The following GRIK1 variants were observed in gnomAD, a reference collection of about 807,000 sequenced individuals.
GRIK1 encodes glutamate receptor ionotropic, kainate 1.
GRIK1 carries 69 observed loss-of-function variants against 105.7 expected under a neutral mutation model. That is an observed-to-expected ratio of 0.65 (90% CI 0.54 to 0.80). GRIK1 has a LOEUF of 0.80. Ranked by LOEUF, GRIK1 falls within the 30% of genes least tolerant of loss-of-function variation. GRIK1 has a pLI of 0.00. For missense variants in GRIK1, 1,109 were observed against 1,167.3 expected (o/e 0.95, Z 0.73); for synonymous variants, 438 against 431.3 (o/e 1.02, Z -0.19).
At position 29,651,155 on chromosome 21, in the gene GRIK1, G is replaced by A; in HGVS notation, c.917C>T (p.Pro306Leu). ...ATCCAAAAGGCCAGTCTCGGGCCTG[G>A]GTGGGGCCTGCAGTCTCTCCATGGA... ...KWSMERLQAP[P>L]RPETGLLDGM... The change falls in exon 6 of 18, where the codon CCC becomes CTC. Residue 306 changes from proline (P) to leucine (L), a missense_variant. By Grantham distance (98) the Pro-to-Leu change is moderately conservative. Coordinates refer to ENST00000327783, the MANE Select transcript of GRIK1 (RefSeq NM_001330994.2). The A allele has an allele frequency of 1.9e-6, 3 of 1,613,376 alleles. No homozygotes were observed. Among genetic ancestry groups the A allele is most frequent in the Non-Finnish European group, 2.5e-6 (3 of 1,179,676 alleles).
chr21:29,773,868 C>A (rs181932060), intron 1 of GRIK1, among the ~76,000 whole-genome samples: 1 of 152,126 alleles, frequency 6.6e-6, no homozygotes, highest in Non-Finnish European at 1.5e-5. Context: ...TACATTCATT[C>A]AACTTAAAAT....
At chr21:29,826,197 C>T (rs927491328) in intron 1 of GRIK1, among the ~76,000 whole-genome samples, 3 of 152,078 alleles carry the variant, frequency 2.0e-5, no homozygotes, top group African/African-American at 4.8e-5. Context: ...CATTTGATCA[C>T]GTTTCCAAGC....
intron 1 of GRIK1, among the ~76,000 whole-genome samples, chr21:29,897,175 T>C (rs1392734960): frequency 6.6e-6 from 1 of 152,196 alleles, no homozygotes; most frequent in African/African-American, 2.4e-5. Flanking sequence ...TATGAAGGTA[T>C]TTCCAAAGTG....
In GRIK1 at chr21:29,888,195, T is replaced by TCC. The variant is rs1348859825; in HGVS notation, c.118+51187_118+51188insGG. Among the ~76,000 whole-genome samples the TCC allele has an allele frequency of 5.5e-3, 122 of 22,154 alleles. 1 individual carries two copies. The highest frequency in any genetic ancestry group is 6.5e-3 in the East Asian group (2 of 306). 14.5% of individuals were successfully genotyped at this position (22,154 alleles called of 152,430 possible). On this transcript the variant is annotated intron_variant, in intron 1 of 17. Coordinates refer to ENST00000327783, the MANE Select transcript of GRIK1 (RefSeq NM_001330994.2). ...TTTCTTTCTTTCTTCCTTTCTTTCT[T>TCC]TCTCTCTCTCTCTCTCTCTCTCTCT...
chr21:29,586,556 A>G (rs780522453), intron 12 of GRIK1, among the ~76,000 whole-genome samples: 1 of 152,264 alleles, frequency 6.6e-6, no homozygotes, highest in Non-Finnish European at 1.5e-5. Context: ...AAGTAGGGAC[A>G]TACAAAAGCA....
chr21:29,735,957 G>A (rs1460204275), intron 1 of GRIK1, among the ~76,000 whole-genome samples: 2 of 151,658 alleles, frequency 1.3e-5, no homozygotes, highest in African/African-American at 2.4e-5. Flanking sequence ...AACATATAAA[G>A]AATATTAAGT....
In GRIK1 at chr21:29,845,722, T is replaced by C. The variant is rs79689194; in HGVS notation, c.118+93661A>G. Among the ~76,000 whole-genome samples the C allele has an allele frequency of 3.1e-3, 476 of 152,254 alleles. 9 individuals are homozygous for C. In the East Asian group the frequency reaches 0.04, roughly 13 times the overall value. On this transcript the variant is annotated intron_variant, in intron 1 of 17. Transcript: ENST00000327783. ...CTTTGTTTATTTTTCTTTTTCCCTT[T>C]AAATTTCCTGGCACTATCTACACCC...
chr21:29,595,579 C>T (rs1047442892), intron 9 of GRIK1, among the ~76,000 whole-genome samples: 2 of 152,110 alleles, frequency 1.3e-5, no homozygotes, highest in African/African-American at 4.8e-5. Context: ...AACTTGTGTA[C>T]ACTTTCTGTG....
At chr21:29,856,883 C>A (rs1336697766) in intron 1 of GRIK1, among the ~76,000 whole-genome samples, 1 of 151,936 alleles carries the variant, frequency 6.6e-6, no homozygotes, top group Non-Finnish European at 1.5e-5. Flanking sequence ...AAAGTCGAAG[C>A]CTAAGGACCC....
intron 1 of GRIK1, among the ~76,000 whole-genome samples, chr21:29,830,322 C>CAA (rs1239359238): frequency 0.012 from 1,451 of 120,314 alleles, 33 homozygotes; most frequent in African/African-American, 0.03. Flanking sequence ...CACACACACA[C>CAA]ACACACACAC....
intron 14 of GRIK1, among the ~76,000 whole-genome samples, chr21:29,572,754 C>T (rs890942791): frequency 2.6e-5 from 4 of 151,568 alleles, no homozygotes; most frequent in African/African-American, 7.3e-5. Flanking sequence ...TGGTATTTAG[C>T]TCAATTGGTC....
At chr21:29,590,373 C>T (rs1251639620) in intron 10 of GRIK1, among the ~76,000 whole-genome samples, 1 of 152,180 alleles carries the variant, frequency 6.6e-6, no homozygotes, top group African/African-American at 2.4e-5. Flanking sequence ...TACTCCTGCC[C>T]AACTCCCTGG....
intron 1 of GRIK1, among the ~76,000 whole-genome samples, chr21:29,790,135 C>T (rs902209676): frequency 2.0e-5 from 3 of 152,072 alleles, no homozygotes; most frequent in African/African-American, 7.2e-5. Context: ...CTTCGAACTC[C>T]ACCTCCCAGG....
rs999227024 is a variant in GRIK1, at chr21:29,549,870, G to C, written c.2607+5182C>G. ...GGCTGTAATCTCAGCACTTTGGGGG[G>C]CCGAGGCGGGTGGATCACCTGAGGT... On this transcript the variant is annotated intron_variant, in intron 16 of 17. Coordinates refer to ENST00000327783, the MANE Select transcript of GRIK1 (RefSeq NM_001330994.2). Among the ~76,000 whole-genome samples the C allele has an allele frequency of 2.0e-5, 3 of 151,932 alleles. 1 individual carries two copies. Among genetic ancestry groups the C allele is most frequent in the Admixed American group, 1.3e-4 (2 of 15,260 alleles).
At chr21:29,678,446 A>G (rs1180603317) in intron 3 of GRIK1, among the ~76,000 whole-genome samples, 2 of 152,200 alleles carry the variant, frequency 1.3e-5, no homozygotes, top group Non-Finnish European at 2.9e-5. Flanking sequence ...TAAGTATTCA[A>G]GAAAGTGTAT....
At chr21:29,712,639 C>G (rs953838553) in intron 1 of GRIK1, among the ~76,000 whole-genome samples, 1 of 152,082 alleles carries the variant, frequency 6.6e-6, no homozygotes, top group Admixed American at 6.6e-5. Flanking sequence ...GAACGTTTTT[C>G]CACAATGATT....
intron 1 of GRIK1, among the ~76,000 whole-genome samples, chr21:29,701,547 A>G (rs1463007336): frequency 1.3e-5 from 2 of 152,212 alleles, no homozygotes; most frequent in Non-Finnish European, 1.5e-5. Flanking sequence ...CTTAAGGGCC[A>G]TCACAGGGCT....
chr21:29,879,615 A>G (rs534286065), intron 1 of GRIK1, among the ~76,000 whole-genome samples: 14 of 152,244 alleles, frequency 9.2e-5, no homozygotes, highest in East Asian at 3.9e-4. Context: ...GGTAATTGTA[A>G]CGTTGATTCA....
chr21:29,560,392 C>CTTTCTTT (rs769166953), intron 15 of GRIK1, among the ~76,000 whole-genome samples: 3,966 of 55,634 alleles, frequency 0.071, 763 homozygotes, highest in South Asian at 0.1. Context: ...TTCCTTCCTT[C>CTTTCTTT]CTTCCTTCCT....
Sources: gnomAD v4.1 joint callset for allele counts (sites outside exome capture counted in the v4.1 genomes callset) on GRCh38, gnomAD v4.1.1 for gene constraint, MANE v1.5 for transcripts, NCBI Gene and HGNC (gene_info 2026-07-23, HGNC 2026-07-21) for gene names.